The following PRKD1 variants were observed in gnomAD, a reference collection of about 807,000 sequenced individuals.
PRKD1 encodes protein kinase D1.
PRKD1 carries 63 observed loss-of-function variants against 95.9 expected under a neutral mutation model. The ratio of observed to expected loss-of-function variants is 0.66; its 90% CI spans 0.54 to 0.81. The LOEUF (loss-of-function observed/expected upper bound fraction) is 0.81. Ranked by LOEUF, PRKD1 falls within the 30% of genes least tolerant of loss-of-function variation. The pLI is 0.00. For missense variants in PRKD1, 1,048 were observed against 1,165.3 expected (o/e 0.90, Z 1.47); for synonymous variants, 425 against 423.1 (o/e 1.00, Z -0.05).
In PRKD1 at chr14:29,661,757, T is replaced by C. The variant is rs1006532463; in HGVS notation, c.696+1942A>G. 5.3e-5 allele frequency among the ~76,000 whole-genome samples: 8 copies of C among 152,284 alleles called. No individual in the cohort carries two copies. In the South Asian group the frequency reaches 1.7e-3, roughly 32 times the overall value. ...CATTTAAAGTTTACCTGAAGGCATT[T>C]TACACAAGGTTACGAAAGCTTATGA... is the stretch of plus-strand genomic sequence containing the variant. On this transcript the variant is annotated intron_variant, in intron 4 of 17. Transcript: ENST00000331968.
At chr14:29,782,953 T>A (rs1889115214) in intron 1 of PRKD1, among the ~76,000 whole-genome samples, 1 of 152,240 alleles carries the variant, frequency 6.6e-6, no homozygotes, top group African/African-American at 2.4e-5. Context: ...ATTGATCAAA[T>A]CAGGGTATTT....
chr14:29,635,270 C>A (rs1473958335), intron 7 of PRKD1, among the ~76,000 whole-genome samples: 5 of 152,066 alleles, frequency 3.3e-5, no homozygotes, highest in Admixed American at 2.0e-4. Context: ...TGCATAATGT[C>A]ATAAAAATTG....
rs45611637 is a variant in PRKD1, at chr14:29,668,607, A to G, written c.404-2399T>C. Among the ~76,000 whole-genome samples the G allele has an allele frequency of 1.1e-4, 17 of 152,374 alleles. No homozygotes were observed. In the East Asian group the frequency reaches 3.3e-3, roughly 29 times the overall value. ...ATAATCAGTTCTTTTATGGTTCATT[A>G]TAAATTGTTGCACAAATGGAGTAAA... On this transcript the variant is annotated intron_variant, in intron 2 of 17. Transcript: ENST00000331968.
At chr14:29,579,963 A>C (rs1004382270) in intron 16 of PRKD1, among the ~76,000 whole-genome samples, 15 of 152,150 alleles carry the variant, frequency 9.9e-5, no homozygotes, top group Non-Finnish European at 1.3e-4. Context: ...TGATTTACTC[A>C]CTGGTGAGTA....
At chr14:29,722,471 G>A (rs45519334) in intron 2 of PRKD1, among the ~76,000 whole-genome samples, 10,221 of 152,246 alleles carry the variant, frequency 0.067, 753 homozygotes, top group African/African-American at 0.18. Context: ...AAGAAGACTT[G>A]AAGTTCAGTT....
At chr14:29,808,286 T>G (rs372890441) in intron 1 of PRKD1, among the ~76,000 whole-genome samples, 2 of 151,808 alleles carry the variant, frequency 1.3e-5, no homozygotes, top group South Asian at 2.1e-4. Context: ...AGAAATGACT[T>G]TATTTGTTCA....
At chr14:29,736,439 T>C (rs1164794438) in intron 1 of PRKD1, among the ~76,000 whole-genome samples, 2 of 152,160 alleles carry the variant, frequency 1.3e-5, no homozygotes, top group Non-Finnish European at 2.9e-5. Flanking sequence ...GAGAACAACA[T>C]TCCCTAATTT....
At chr14:29,669,989 T>C (rs1882749331) in intron 2 of PRKD1, among the ~76,000 whole-genome samples, 2 of 152,362 alleles carry the variant, frequency 1.3e-5, no homozygotes, top group Middle Eastern at 3.4e-3. Flanking sequence ...GTTTATTGCA[T>C]TTGTGAATAT....
chr14:29,745,627 C>T (rs988537165), intron 1 of PRKD1, among the ~76,000 whole-genome samples: 11 of 151,928 alleles, frequency 7.2e-5, no homozygotes, highest in Admixed American at 5.2e-4. Flanking sequence ...TGCCGCCATG[C>T]CCAACTAATT....
At chr14:29,736,278 C>T (rs1239869770) in intron 1 of PRKD1, among the ~76,000 whole-genome samples, 7 of 152,122 alleles carry the variant, frequency 4.6e-5, no homozygotes, top group East Asian at 1.9e-4. Context: ...GAGAAAAATC[C>T]GTTTTATTGA....
chr14:29,620,190 C>T (rs1467427087), intron 13 of PRKD1, among the ~76,000 whole-genome samples: 1 of 149,992 alleles, frequency 6.7e-6, no homozygotes, highest in Non-Finnish European at 1.5e-5. Context: ...GGATTAAAGA[C>T]TTAAACGTTA....
chr14:29,648,103 A>C (rs767611685), intron 4 of PRKD1, among the ~76,000 whole-genome samples: 51 of 152,338 alleles, frequency 3.3e-4, no homozygotes, highest in South Asian at 8.3e-4. Flanking sequence ...AGGTTAATTA[A>C]TGTCTTACAG....
At chr14:29,605,142 C>T (rs1003240532) in intron 13 of PRKD1, among the ~76,000 whole-genome samples, 2 of 152,062 alleles carry the variant, frequency 1.3e-5, no homozygotes, top group Non-Finnish European at 1.5e-5. Context: ...TTACAGGGAT[C>T]CACCACAGCA....
intron 13 of PRKD1, among the ~76,000 whole-genome samples, chr14:29,618,558 T>C (rs1264807707): frequency 6.6e-6 from 1 of 152,166 alleles, no homozygotes; most frequent in Middle Eastern, 3.2e-3. Context: ...ACCTGGCCAA[T>C]ATCTACATTA....
At chr14:29,830,154 G>A (rs1891345466) in intron 1 of PRKD1, among the ~76,000 whole-genome samples, 1 of 152,132 alleles carries the variant, frequency 6.6e-6, no homozygotes, top group Non-Finnish European at 1.5e-5. Context: ...CATTGTTCGA[G>A]CATCTGGAAA....
chr14:29,613,183 T>C (rs1457265067), intron 13 of PRKD1, among the ~76,000 whole-genome samples: 1 of 152,136 alleles, frequency 6.6e-6, no homozygotes, highest in Non-Finnish European at 1.5e-5. Flanking sequence ...AACAAAAATA[T>C]AAGCCAACAT....
intron 4 of PRKD1, among the ~76,000 whole-genome samples, chr14:29,640,339 T>C (rs1273818614): frequency 6.6e-6 from 1 of 152,186 alleles, no homozygotes; most frequent in Non-Finnish European, 1.5e-5. Context: ...ATTTCTATCC[T>C]TTTCAATCCC....
intron 3 of PRKD1, among the ~76,000 whole-genome samples, chr14:29,664,912 A>G (rs1882397715): frequency 6.6e-6 from 1 of 152,226 alleles, no homozygotes; most frequent in Non-Finnish European, 1.5e-5. Context: ...ATCTCTGCTC[A>G]TTTCAACAAA....
intron 1 of PRKD1, among the ~76,000 whole-genome samples, chr14:29,899,208 G>A (rs1894234496): frequency 6.6e-6 from 1 of 152,030 alleles, no homozygotes; most frequent in East Asian, 1.9e-4. Context: ...TTATAAATAA[G>A]GTTAAACCAT....
Sources: allele counts gnomAD v4.1 joint callset (sites outside exome capture counted in the v4.1 genomes callset), GRCh38; gene constraint gnomAD v4.1.1; transcripts MANE v1.5; gene names NCBI Gene and HGNC (gene_info 2026-07-23, HGNC 2026-07-21).